Variants in AGFG1 observed in about 807,000 individuals in gnomAD.
The protein encoded by AGFG1 is ArfGAP with FG repeats 1.
AGFG1 carries 10 observed loss-of-function variants against 60.6 expected under a neutral mutation model. The observed-to-expected ratio is 0.16, with a 90% CI of 0.10 to 0.28. The LOEUF is 0.28. AGFG1 is among the 10% of genes least tolerant of loss of function. The pLI, the probability that AGFG1 is intolerant of heterozygous loss-of-function variation, is 1.00. For missense variants in AGFG1, 537 were observed against 676.5 expected, an observed-to-expected ratio of 0.79 and a Z score of 2.29; for synonymous variants, 247 against 242.9, an observed-to-expected ratio of 1.02 and a Z score of -0.16.
intron 2 of AGFG1, among the ~76,000 whole-genome samples, chr2:227,493,624 GA>G (rs1690886066): frequency 6.6e-6 from 1 of 152,178 alleles, no homozygotes; most frequent in Admixed American, 6.6e-5. Context: ...ATGTATTTAT[GA>G]ATCTTAAGTC....
chr2:227,539,450 A>G lies in AGFG1; in HGVS notation c.1378+2457A>G, dbSNP rs554781186. Among the ~76,000 whole-genome samples, 57 of 143,238 alleles carry G rather than the reference A, an allele frequency of 4.0e-4. 2 individuals carry two copies. Among genetic ancestry groups the G allele is most frequent in the Non-Finnish European group, 1.5e-5 (1 of 65,392 alleles). The allele number at this position is 143,238 out of a possible 152,430, so 94.0% of individuals were successfully genotyped here. A position where few individuals can be genotyped will look rare whatever the true frequency, so the allele number is the denominator to read the frequency against. On this transcript the variant is annotated intron_variant, in intron 10 of 12. Transcript: ENST00000310078. ...AGAGCAAGACTCTGTCTCAAAAAAA[A>G]CAAAAAACACATGTTAACACTGTGA...
chr2:227,555,827 C>T lies in AGFG1; in HGVS notation c.*1332C>T, dbSNP rs1416856218. The stretch of plus-strand genomic sequence containing the variant: ...TTGGAATCGTTTTTTTTAAAAATGC[C>T]TCTGAGCAACCCATATAAGTCACAA... On this transcript the variant is annotated 3_prime_UTR_variant, in exon 13 of 13. Transcript: ENST00000310078. The T allele has an allele frequency of 1.3e-5, 2 of 152,036 alleles. No homozygotes were observed. Among genetic ancestry groups the T allele is most frequent in the Non-Finnish European group, 2.9e-5 (2 of 67,994 alleles). 9.4% of individuals were successfully genotyped at this position (152,036 alleles called of 1,614,324 possible).
chr2:227,528,215 G>A (rs72980852), intron 5 of AGFG1, among the ~76,000 whole-genome samples: 1 of 152,116 alleles, frequency 6.6e-6, no homozygotes, highest in Non-Finnish European at 1.5e-5. Flanking sequence ...GGAAACTGGC[G>A]TAATTTTTAT....
chr2:227,548,056 A>G (rs1440316184), intron 10 of AGFG1, among the ~76,000 whole-genome samples: 1 of 152,268 alleles, frequency 6.6e-6, no homozygotes, highest in East Asian at 1.9e-4. Flanking sequence ...AACCTTGAAA[A>G]CATTCTGCTG....
At chr2:227,506,649 A>G (rs1349328252) in intron 2 of AGFG1, among the ~76,000 whole-genome samples, 2 of 150,616 alleles carry the variant, frequency 1.3e-5, no homozygotes, top group Non-Finnish European at 2.9e-5. Flanking sequence ...GTAGTGTCTT[A>G]ATAGACTTTG....
chr2:227,477,970 A>G (rs1690334917), intron 1 of AGFG1, among the ~76,000 whole-genome samples: 1 of 151,970 alleles, frequency 6.6e-6, no homozygotes, highest in Non-Finnish European at 1.5e-5. Flanking sequence ...CATGCTTTTT[A>G]TTATTTTTAG....
chr2:227,503,579 T>C (rs1691222048), intron 2 of AGFG1, among the ~76,000 whole-genome samples: 2 of 152,154 alleles, frequency 1.3e-5, no homozygotes, highest in Non-Finnish European at 2.9e-5. Flanking sequence ...CTCCCTCCAC[T>C]GTTGGCAGCT....
intron 1 of AGFG1, among the ~76,000 whole-genome samples, chr2:227,475,960 G>T (rs1489275080): frequency 6.6e-6 from 1 of 152,158 alleles, no homozygotes; most frequent in Non-Finnish European, 1.5e-5. Context: ...TAAATTTTAG[G>T]ATAGTGACAT....
intron 10 of AGFG1, among the ~76,000 whole-genome samples, chr2:227,550,693 C>A (rs371427964): frequency 4.1e-4 from 63 of 152,222 alleles, no homozygotes; most frequent in South Asian, 3.7e-3. Flanking sequence ...TGCATTGTTA[C>A]AAACATACGA....
chr2:227,511,062 C>T (rs374759755), intron 2 of AGFG1, among the ~76,000 whole-genome samples: 1 of 152,008 alleles, frequency 6.6e-6, no homozygotes, highest in African/African-American at 2.4e-5. Context: ...GGTACTTTTT[C>T]TCCTATATTA....
chr2:227,536,746 C>T, intron 9 of AGFG1, 42 bp downstream of exon 9: 1 of 1,594,764 alleles, frequency 6.3e-7, no homozygotes. Flanking sequence ...ACAAAGAACC[C>T]AAATATATAT....
chr2:227,491,741 AAAT>A (rs1690827018), intron 2 of AGFG1, 101 bp downstream of exon 2: 3 of 626,516 alleles, frequency 4.8e-6, no homozygotes, highest in Admixed American at 6.4e-5. Flanking sequence ...TTCACGGTCT[AAAT>A]AAGTTATTTT....
At chr2:227,544,657 T>C (rs1206701776) in intron 10 of AGFG1, among the ~76,000 whole-genome samples, 1 of 152,200 alleles carries the variant, frequency 6.6e-6, no homozygotes, top group East Asian at 1.9e-4. Context: ...GGCCTGGTGG[T>C]GACAGAATCT....
chr2:227,494,620 C>G (rs565388698), intron 2 of AGFG1, among the ~76,000 whole-genome samples: 17 of 152,274 alleles, frequency 1.1e-4, no homozygotes, highest in African/African-American at 4.1e-4. Flanking sequence ...CAGGCAAGCA[C>G]CATGAATGAT....
intron 3 of AGFG1, among the ~76,000 whole-genome samples, 199 bp downstream of exon 3, chr2:227,520,262 G>A (rs1370608673): frequency 6.6e-6 from 1 of 151,954 alleles, no homozygotes; most frequent in African/African-American, 2.4e-5. Context: ...TCTGTTCCTG[G>A]CAGCAGGCTT....
chr2:227,542,860 C>A (rs574037805), intron 10 of AGFG1, among the ~76,000 whole-genome samples: 9 of 111,818 alleles, frequency 8.0e-5, no homozygotes, highest in African/African-American at 3.2e-4. Flanking sequence ...AGGGATTCAA[C>A]TTCATCCTGG....
intron 2 of AGFG1, among the ~76,000 whole-genome samples, chr2:227,500,640 A>C (rs1184155132): frequency 1.3e-5 from 2 of 152,224 alleles, no homozygotes; most frequent in Non-Finnish European, 2.9e-5. Flanking sequence ...ATACAGGTAC[A>C]ATAAACATTG....
In AGFG1 at chr2:227,556,464, T is replaced by G. The variant is rs1692973130; in HGVS notation, c.*1969T>G. The G allele has an allele frequency of 6.6e-6, 1 of 152,664 alleles. No homozygotes were observed. Among genetic ancestry groups the G allele is most frequent in the Non-Finnish European group, 1.5e-5 (1 of 68,038 alleles). The allele number at this position is 152,664 out of a possible 1,614,324, so 9.5% of individuals were successfully genotyped here. A position where few individuals can be genotyped will look rare whatever the true frequency, so the allele number is the denominator to read the frequency against. ...GCACAGGTCCAGATGTGTGTTGATG[T>G]AGACTTGAAATGTCTCCACATTTTG... On this transcript the variant is annotated 3_prime_UTR_variant, in exon 13 of 13. Coordinates refer to ENST00000310078, the MANE Select transcript of AGFG1 (RefSeq NM_004504.5).
intron 1 of AGFG1, among the ~76,000 whole-genome samples, chr2:227,479,986 A>G (rs1024933056): frequency 3.9e-5 from 6 of 152,336 alleles, no homozygotes; most frequent in Middle Eastern, 3.4e-3. Flanking sequence ...TAAGATAGCA[A>G]TCTTTTTGAT....
Sources: allele counts gnomAD v4.1 joint callset (sites outside exome capture counted in the v4.1 genomes callset), GRCh38; gene constraint gnomAD v4.1.1; transcripts MANE v1.5; gene names NCBI Gene and HGNC (gene_info 2026-07-23, HGNC 2026-07-21).